NFILZ: variants seen among roughly 807,000 people sequenced by gnomAD.
The protein encoded by NFILZ is NFIL3 like protein.
At chr19:8,649,517 T>G (rs554313116) in intron 3 of NFILZ, among the ~76,000 whole-genome samples, 5 of 152,218 alleles carry the variant, frequency 3.3e-5, no homozygotes, top group African/African-American at 1.2e-4. Context: ...TCCACCTGCC[T>G]TGGCCTCCCG....
rs535893932 is a variant in NFILZ, at chr19:8,663,634, C to T, written c.-163-10917C>T. Among the ~76,000 whole-genome samples, 23 of 151,952 alleles carry T rather than the reference C, an allele frequency of 1.5e-4. No individual in the cohort carries two copies. The South Asian group carries it at 4.0e-3, about 26-fold the overall frequency. ...CGGGCGTTGGGAGGTAAATGTCCCA[C>T]GAATGCTGAGTTTGGGGTGAAGCCA... On this transcript the variant is annotated intron_variant, in intron 3 of 5. Coordinates refer to ENST00000691075, the MANE Select transcript of NFILZ (RefSeq NM_001378600.1).
chr19:8,647,600 C>T (rs1227153740), intron 3 of NFILZ, among the ~76,000 whole-genome samples: 1 of 143,890 alleles, frequency 6.9e-6, no homozygotes, highest in African/African-American at 2.5e-5. Flanking sequence ...AAAAAGGGAA[C>T]GAGATCATGT....
chr19:8,667,735 G>A (rs933640657), intron 3 of NFILZ, among the ~76,000 whole-genome samples: 2 of 151,678 alleles, frequency 1.3e-5, no homozygotes, highest in Admixed American at 6.6e-5. Flanking sequence ...TAGTACAGAC[G>A]AGGTTTCACC....
chr19:8,664,255 G>T (rs1317839849), intron 3 of NFILZ, among the ~76,000 whole-genome samples: 3 of 152,226 alleles, frequency 2.0e-5, no homozygotes, highest in African/African-American at 7.2e-5. Flanking sequence ...CCATTTCACA[G>T]TTCAAAGAAC....
chr19:8,662,692 A>G (rs562385133), intron 3 of NFILZ, among the ~76,000 whole-genome samples: 1 of 147,908 alleles, frequency 6.8e-6, no homozygotes, highest in South Asian at 2.1e-4. Flanking sequence ...TCTGGTGTGC[A>G]GTGACACGAT....
intron 3 of NFILZ, among the ~76,000 whole-genome samples, chr19:8,656,164 C>T (rs1555748294): frequency 6.6e-6 from 1 of 152,028 alleles, no homozygotes; most frequent in Non-Finnish European, 1.5e-5. Flanking sequence ...CCTCCATAGC[C>T]ACGTTCTCCC....
Position 8,678,179 on chromosome 19 carries a change from A to ATCCT in NFILZ, c.*547_*548insTTCC, listed in dbSNP as rs1568426457. 9.5e-5 allele frequency among the ~76,000 whole-genome samples: 2 copies of ATCCT among 21,004 alleles called. No homozygotes were observed. The highest frequency in any genetic ancestry group is 5.8e-4 in the Admixed American group (1 of 1,724). 13.8% of individuals were successfully genotyped at this position (21,004 alleles called of 152,430 possible). Reference sequence around the variant, plus strand: ...CATCCATCCATCCATCCATCCATCCATCCATCCATCCGTCCATCTATCCAT... The same window carrying ATCCT: ...CATCCATCCATCCATCCATCCATCCATCCTTCCATCCATCCGTCCATCTATCCAT... On this transcript the variant is annotated 3_prime_UTR_variant, in exon 6 of 6. Transcript: ENST00000691075.
At chr19:8,656,392 C>CT (rs1253061737) in intron 3 of NFILZ, among the ~76,000 whole-genome samples, 597 of 29,854 alleles carry the variant, frequency 0.02, 52 homozygotes, top group East Asian at 0.065. Context: ...CACCTTCTCC[C>CT]GCAGCCCACC....
chr19:8,631,533 C>A (rs2042869362), intron 1 of NFILZ, among the ~76,000 whole-genome samples: 1 of 152,088 alleles, frequency 6.6e-6, no homozygotes, highest in South Asian at 2.1e-4. Context: ...GGGACAAAGC[C>A]CAGGGATTAG....
chr19:8,647,651 C>T (rs1035750683), intron 3 of NFILZ, among the ~76,000 whole-genome samples: 1 of 151,092 alleles, frequency 6.6e-6, no homozygotes, highest in Admixed American at 6.6e-5. Flanking sequence ...CCATCATTCT[C>T]AGCAACCTAA....
intron 3 of NFILZ, among the ~76,000 whole-genome samples, chr19:8,668,009 G>C (rs2043070279): frequency 6.6e-6 from 1 of 151,942 alleles, no homozygotes; most frequent in African/African-American, 2.4e-5. Context: ...CTGGAGTGCA[G>C]TGACAGTGGA....
At chr19:8,648,546 G>A (rs1225467812) in intron 3 of NFILZ, among the ~76,000 whole-genome samples, 2 of 152,066 alleles carry the variant, frequency 1.3e-5, no homozygotes, top group Non-Finnish European at 2.9e-5. Context: ...GGCTGGGCAT[G>A]GTGGCTCATG....
intron 3 of NFILZ, among the ~76,000 whole-genome samples, chr19:8,650,127 T>C (rs2042958696): frequency 6.7e-6 from 1 of 150,358 alleles, no homozygotes. Context: ...AAAAAAAAAA[T>C]TGGTTCCAAA....
At chr19:8,659,185 T>C (rs1331356327) in intron 3 of NFILZ, among the ~76,000 whole-genome samples, 1 of 141,698 alleles carries the variant, frequency 7.1e-6, no homozygotes, top group Non-Finnish European at 1.5e-5. Context: ...AAGGCGGAGA[T>C]GGCAGTGAGC....
At chr19:8,632,659 T>C (rs2042875659) in intron 2 of NFILZ, 34 bp downstream of exon 2, 1 of 151,822 alleles carries the variant, frequency 6.6e-6, no homozygotes, top group South Asian at 2.1e-4. Flanking sequence ...TAGCATATCA[T>C]CAAGAAATAA....
chr19:8,658,467 CA>C (rs1555748717), intron 3 of NFILZ, among the ~76,000 whole-genome samples: 1 of 152,104 alleles, frequency 6.6e-6, no homozygotes, highest in Non-Finnish European at 1.5e-5. Flanking sequence ...GTGAGGATAA[CA>C]AAAAACATTG....
At chr19:8,670,547 A>G (rs1467377940) in intron 3 of NFILZ, among the ~76,000 whole-genome samples, 2 of 152,254 alleles carry the variant, frequency 1.3e-5, no homozygotes, top group Non-Finnish European at 2.9e-5. Flanking sequence ...CTCAAAAGGC[A>G]GGCGCCATGA....
rs2918306 is a variant in NFILZ at position 8,678,357 on chromosome 19, T to A, written c.*722T>A. Among the ~76,000 whole-genome samples the A allele has an allele frequency of 1.4e-5, 2 of 144,338 alleles. No homozygotes were observed. Among genetic ancestry groups the A allele is most frequent in the African/African-American group, 5.0e-5 (2 of 39,762 alleles). The allele number at this position is 144,338 out of a possible 152,430, so 94.7% of individuals were successfully genotyped here. ...ATTCTCATTCATCCATGCATTTGTT[T>A]TTCCTTCTATCTATCCATCCATCCA... On this transcript the variant is annotated 3_prime_UTR_variant, in exon 6 of 6. Coordinates refer to ENST00000691075, the MANE Select transcript of NFILZ (RefSeq NM_001378600.1).
At chr19:8,673,933 C>T (rs959198670) in intron 3 of NFILZ, among the ~76,000 whole-genome samples, 5 of 152,150 alleles carry the variant, frequency 3.3e-5, no homozygotes, top group Admixed American at 1.3e-4. Flanking sequence ...CTCCGCCTCC[C>T]GGGTTCAAGT....
Sources: gnomAD v4.1 joint callset for allele counts (sites outside exome capture counted in the v4.1 genomes callset) on GRCh38, gnomAD v4.1.1 for gene constraint, MANE v1.5 for transcripts, NCBI Gene and HGNC (gene_info 2026-07-23, HGNC 2026-07-21) for gene names.